The following NPAT variants were observed in gnomAD, a reference collection of about 807,000 sequenced individuals.
The protein encoded by NPAT is nuclear protein, coactivator of histone transcription, also known as protein NPAT.
NPAT carries 52 observed loss-of-function variants against 130.7 expected under a neutral mutation model. That is an observed-to-expected ratio of 0.40 (90% CI 0.32 to 0.50). The LOEUF is 0.50. NPAT is among the 20% of genes least tolerant of loss of function. The pLI is 0.68. For missense variants in NPAT, 1,687 were observed against 1,662.6 expected, an observed-to-expected ratio of 1.01 and a Z score of -0.26; for synonymous variants, 580 against 584.8, an observed-to-expected ratio of 0.99 and a Z score of 0.12.
At chr11:108,192,883 G>A (rs1274331996) in intron 3 of NPAT, among the ~76,000 whole-genome samples, 5 of 152,082 alleles carry the variant, frequency 3.3e-5, no homozygotes, top group African/African-American at 9.7e-5. Context: ...GAACCCGGGA[G>A]ACGGAGGTTG....
chr11:108,190,031 G>C (rs754841754), intron 5 of NPAT, among the ~76,000 whole-genome samples: 1 of 151,788 alleles, frequency 6.6e-6, no homozygotes, highest in African/African-American at 2.4e-5. Context: ...CGGTAGTTTG[G>C]CCAGGTGCGG....
chr11:108,215,660 T>C (rs1365359285), intron 1 of NPAT, among the ~76,000 whole-genome samples: 5 of 152,178 alleles, frequency 3.3e-5, no homozygotes, highest in Non-Finnish European at 7.4e-5. Flanking sequence ...CATTATACAC[T>C]AAGGTTTTAA....
rs750851246 is a variant in NPAT at position 108,197,426 on chromosome 11, TA to T, written c.38-7del. The T allele has an allele frequency of 1.3e-6, 2 of 1,546,114 alleles. No homozygotes were observed. The highest frequency in any genetic ancestry group is 8.9e-7 in the Non-Finnish European group (1 of 1,118,472). On this transcript the variant is annotated splice_polypyrimidine_tract_variant and splice_region_variant and intron_variant, in intron 1 of 17. Transcript: ENST00000278612. ...GTTTTCTTGCTGTAAGTAACCTAAA[TA>T]AAAAATAAAAGTTTAGGTACTTATA...
In NPAT at chr11:108,189,360, T is replaced by A. The variant is rs185463317; in HGVS notation, c.332-30A>T. The A allele has an allele frequency of 3.8e-5, 61 of 1,602,468 alleles. No individual in the cohort carries two copies. In the Middle Eastern group the frequency reaches 8.3e-4, roughly 22 times the overall value. ...AACATATAAGCATTTAAAAAACAAA[T>A]TCAACGTCAGGGTAGTTTGGGAATT... is the stretch of plus-strand genomic sequence containing the variant. On this transcript the variant is annotated intron_variant, in intron 5 of 17. Coordinates refer to ENST00000278612, the MANE Select transcript of NPAT (RefSeq NM_002519.3).
chr11:108,171,519 T>C (rs892186697), intron 13 of NPAT: 2 of 147,748 alleles, frequency 1.4e-5, no homozygotes, highest in African/African-American at 5.0e-5. Flanking sequence ...AGTCTCGCTC[T>C]TGTTGCCCAG....
At position 108,185,358 on chromosome 11, in the gene NPAT, C is replaced by T. The variant is rs373621123; in HGVS notation, c.819-39G>A. ...AAGAAAAATCTTTATTATAGTTATG[C>T]AATTAGGCAAAAACAATTAGGCATT... On this transcript the variant is annotated intron_variant, in intron 9 of 17. Transcript: ENST00000278612. 20 of 1,576,656 alleles carry T rather than the reference C, an allele frequency of 1.3e-5. No homozygotes were observed. The East Asian group carries it at 3.6e-4, about 28-fold the overall frequency.
chr11:108,166,895 T>A (rs1337687028), intron 15 of NPAT, among the ~76,000 whole-genome samples: 1 of 152,248 alleles, frequency 6.6e-6, no homozygotes, highest in Non-Finnish European at 1.5e-5. Flanking sequence ...AATTTTCAAA[T>A]CTATGAACAT....
At chr11:108,171,088 C>T (rs902582335) in intron 13 of NPAT, 3 of 150,592 alleles carry the variant, frequency 2.0e-5, no homozygotes, top group African/African-American at 4.9e-5. Flanking sequence ...TAACACAGCA[C>T]GCAATAAATG....
At chr11:108,184,272 C>T (rs1250193280) in intron 10 of NPAT, among the ~76,000 whole-genome samples, 4 of 151,932 alleles carry the variant, frequency 2.6e-5, no homozygotes, top group Admixed American at 2.0e-4. Context: ...GAGAGGGAGA[C>T]CATCCTGGCT....
chr11:108,193,047 G>A lies in NPAT; in HGVS notation c.218-857C>T, dbSNP rs77922270. Among the ~76,000 whole-genome samples, 1,399 of 152,248 alleles carry A rather than the reference G, an allele frequency of 9.2e-3. 23 individuals are homozygous for A. The highest frequency in any genetic ancestry group is 0.031 in the African/African-American group (1,300 of 41,558). ...TTATACACAGACAATGTCAAAAAAT[G>A]TCAAGCTTCTTTTCCTTTGTTATCA... On this transcript the variant is annotated intron_variant, in intron 3 of 17. Coordinates refer to ENST00000278612, the MANE Select transcript of NPAT (RefSeq NM_002519.3).
At position 108,192,132 on chromosome 11, in the gene NPAT, T is replaced by G. The variant is rs765434465; in HGVS notation, c.276A>C (p.Thr92=). 14 of 1,600,160 alleles carry G rather than the reference T, an allele frequency of 8.7e-6. No individual in the cohort carries two copies. The East Asian group carries it at 2.9e-4, about 33-fold the overall frequency. The change falls in exon 4 of 18, where the codon ACA becomes ACC. Residue 92 remains threonine, a synonymous_variant. Transcript: ENST00000278612. ...TAGCTTATTACCTGATCTGAGAAAG[T>G]GTATGGTCCAATTTCTTCCATAGAG... ...MSSLWKKLDH[T]LSQIRSMQSS...
Position 108,162,031 on chromosome 11 carries a change from C to T in NPAT, c.3072-17G>A. On this transcript the variant is annotated splice_polypyrimidine_tract_variant and intron_variant, in intron 16 of 17. Transcript: ENST00000278612. ...ACTTCAGTTCTAAAACAAAACAAAACAAAACTATTTCTAGCAGCATAAAGA... is the reference window on the plus strand; with the variant it reads ...ACTTCAGTTCTAAAACAAAACAAAATAAAACTATTTCTAGCAGCATAAAGA... The T allele has an allele frequency of 1.2e-6, 2 of 1,610,958 alleles. No homozygotes were observed. Among genetic ancestry groups the T allele is most frequent in the Non-Finnish European group, 1.7e-6 (2 of 1,178,994 alleles).
At chr11:108,210,759 C>T (rs1031704187) in intron 1 of NPAT, among the ~76,000 whole-genome samples, 4 of 152,158 alleles carry the variant, frequency 2.6e-5, no homozygotes, top group African/African-American at 9.7e-5. Context: ...GGATCAAATG[C>T]CCTCACTGGT....
intron 15 of NPAT, among the ~76,000 whole-genome samples, chr11:108,163,110 C>T (rs763518453): frequency 4.0e-5 from 6 of 149,114 alleles, no homozygotes; most frequent in South Asian, 2.1e-4. Flanking sequence ...GACGGAGTCT[C>T]GCTCTATTGC....
intron 1 of NPAT, among the ~76,000 whole-genome samples, chr11:108,201,995 T>C (rs1403497380): frequency 6.6e-6 from 1 of 152,096 alleles, no homozygotes; most frequent in Non-Finnish European, 1.5e-5. Context: ...GGGTATGCAA[T>C]AGTCACCCTA....
chr11:108,184,612 C>T (rs1249673134), intron 10 of NPAT, among the ~76,000 whole-genome samples: 3 of 152,132 alleles, frequency 2.0e-5, no homozygotes, highest in African/African-American at 7.2e-5. Flanking sequence ...CTTACTGCAA[C>T]CTCCGCCCTC....
Position 108,161,438 on chromosome 11 carries a change from G to C in NPAT, c.3648C>G (p.Asn1216Lys). Residue 1216 changes from asparagine (N) to lysine (K), a missense_variant, in exon 17 of 18, where the codon AAC becomes AAG. Around this residue, in one of 3 missense-constraint regions of NPAT, gnomAD observed 1,379 missense variants for 1,346.6 expected, o/e 1.02. Coordinates refer to ENST00000278612, the MANE Select transcript of NPAT (RefSeq NM_002519.3). ...TACCTACTGAAAGTACATTTTTATT[G>C]TTTGAAGATGTGCCTTGTTTTTTGG... is the stretch of plus-strand genomic sequence containing the variant. ...EMTKKQGTSS[N>K]NKNVLSVGTA... 1 of 1,614,106 alleles carries C rather than the reference G, an allele frequency of 6.2e-7. No homozygotes were observed.
chr11:108,205,212 T>C (rs1394817445), intron 1 of NPAT, among the ~76,000 whole-genome samples: 1 of 152,218 alleles, frequency 6.6e-6, no homozygotes, highest in Non-Finnish European at 1.5e-5. Context: ...TTTACTTTGA[T>C]TGTTGAAGAA....
intron 2 of NPAT, among the ~76,000 whole-genome samples, chr11:108,195,170 T>C (rs2134872086): frequency 6.6e-6 from 1 of 152,358 alleles, no homozygotes; most frequent in East Asian, 1.9e-4. Context: ...TCTAGGTTTT[T>C]CTGTGAGAAC....
Sources: allele counts gnomAD v4.1 joint callset (sites outside exome capture counted in the v4.1 genomes callset), GRCh38; gene constraint gnomAD v4.1.1; regional missense constraint gnomAD v4.1.1; transcripts MANE v1.5; gene names NCBI Gene and HGNC (gene_info 2026-07-23, HGNC 2026-07-21).